The following KCNV2 variants were observed in gnomAD, a reference collection of about 807,000 sequenced individuals.
KCNV2 encodes the protein potassium voltage-gated channel modifier subfamily V member 2.
KCNV2 carries 65 observed loss-of-function variants against 37.0 expected under a neutral mutation model. The ratio of observed to expected loss-of-function variants is 1.76; its 90% CI spans 1.44 to 2.16. The LOEUF (loss-of-function observed/expected upper bound fraction) is 2.16, where lower values mean the gene tolerates loss of function less well. KCNV2 is among the 30% of genes most tolerant of loss of function. KCNV2 has a pLI of 0.00. For missense variants in KCNV2, 1,232 were observed against 766.7 expected (o/e 1.61, Z -7.17); for synonymous variants, 518 against 328.6 (o/e 1.58, Z -6.23).
chr9:2,723,239 C>G (rs918393234), intron 1 of KCNV2, among the ~76,000 whole-genome samples: 14 of 152,158 alleles, frequency 9.2e-5, no homozygotes, highest in Non-Finnish European at 1.2e-4. Context: ...TTTCACCATT[C>G]TGGGGCTGTA....
intron 1 of KCNV2, among the ~76,000 whole-genome samples, chr9:2,723,690 T>G (rs943898226): frequency 6.6e-6 from 1 of 152,224 alleles, no homozygotes; most frequent in Non-Finnish European, 1.5e-5. Flanking sequence ...GCTTCTACAT[T>G]CATTTGGGAA....
intron 1 of KCNV2, among the ~76,000 whole-genome samples, chr9:2,720,743 T>C (rs1360053074): frequency 6.6e-6 from 1 of 152,236 alleles, no homozygotes; most frequent in Non-Finnish European, 1.5e-5. Flanking sequence ...GTACACTCTC[T>C]GATACTACAG....
chr9:2,726,692 C>G (rs529289418), intron 1 of KCNV2, among the ~76,000 whole-genome samples: 25 of 152,238 alleles, frequency 1.6e-4, no homozygotes, highest in African/African-American at 5.8e-4. Context: ...ATGTTCTAAA[C>G]CAGGGGTCCC....
At position 2,729,696 on chromosome 9, in the gene KCNV2, A is replaced by G. The variant is rs77811928; in HGVS notation, c.1607A>G (p.Asn536Ser). Residue 536 changes from asparagine to serine, a missense_variant, in exon 2 of 2, where the codon AAC becomes AGC. Coordinates refer to ENST00000382082, the MANE Select transcript of KCNV2 (RefSeq NM_133497.4). The part of the protein sequence containing the change: ...KKIAECLLGS[N>S]PQLTPRQEN ...ATAGCTGAGTGTTTGCTTGGAAGCA[A>G]CCCACAGCTCACCCCAAGACAAGAG... 1.8e-3 allele frequency: 2,906 copies of G among 1,614,094 alleles called. 7 individuals are homozygous for G. The highest frequency in any genetic ancestry group is 2.0e-3 in the Non-Finnish European group (2,361 of 1,179,994).
chr9:2,719,181 T>G (rs1819815111), intron 1 of KCNV2, 86 bp downstream of exon 1: 2 of 1,489,592 alleles, frequency 1.3e-6, no homozygotes, highest in Admixed American at 1.8e-5. Flanking sequence ...GCCACCAGGC[T>G]TTGGCTTCTG....
chr9:2,722,848 CTG>C (rs1819903698), intron 1 of KCNV2, among the ~76,000 whole-genome samples: 1 of 152,198 alleles, frequency 6.6e-6, no homozygotes, highest in African/African-American at 2.4e-5. Context: ...GGCCACATGT[CTG>C]CATTCCTCTG....
chr9:2,718,807 G>C lies in KCNV2; in HGVS notation c.1068G>C (p.Thr356=). ...TTCAGCTGCTGCTCGAGTGCTTCAC[G>C]GGCGAGGGCCACCAACGCGGCCAGA... The part of the protein sequence containing the change: ...LYLQLLLECF[T]GEGHQRGQTV... The change falls in exon 1 of 2, where the codon ACG becomes ACC. Residue 356 remains threonine (T), a synonymous_variant. Transcript: ENST00000382082. 6.2e-7 allele frequency: 1 copy of C among 1,610,378 alleles called. No homozygotes were observed. Among genetic ancestry groups the C allele is most frequent in the Non-Finnish European group, 8.5e-7 (1 of 1,179,910 alleles).
chr9:2,718,807 G>T lies in KCNV2; in HGVS notation c.1068G>T (p.Thr356=), dbSNP rs771129642. ...TTCAGCTGCTGCTCGAGTGCTTCACGGGCGAGGGCCACCAACGCGGCCAGA... is the reference window on the plus strand; with the variant it reads ...TTCAGCTGCTGCTCGAGTGCTTCACTGGCGAGGGCCACCAACGCGGCCAGA... ...LYLQLLLECF[T]GEGHQRGQTV... is the part of the protein sequence containing the mutation. The change falls in exon 1 of 2, where the codon ACG becomes ACT. Residue 356 remains threonine, a synonymous_variant. Transcript: ENST00000382082. 26 of 1,610,378 alleles carry T rather than the reference G, an allele frequency of 1.6e-5. No homozygotes were observed. The highest frequency in any genetic ancestry group is 2.0e-5 in the Non-Finnish European group (24 of 1,179,910).
chr9:2,722,067 TTATAAATAAATTAGAAGTTATTTATA>T, intron 1 of KCNV2, among the ~76,000 whole-genome samples: 1 of 136,062 alleles, frequency 7.3e-6, no homozygotes, highest in South Asian at 2.2e-4. Flanking sequence ...TAGAAGTTAT[TTATAAATAAATTAGAAGTTATTTATA>T]AATAAATTAG....
At chr9:2,729,344 T>C (rs1820022716) in intron 1 of KCNV2, 102 bp from the exon 2 acceptor site, 8 of 1,307,852 alleles carry the variant, frequency 6.1e-6, no homozygotes, top group South Asian at 6.0e-5. Context: ...ACACTTCCCA[T>C]GTGTACCCAC....
At position 2,718,470 on chromosome 9, in the gene KCNV2, G is replaced by A. The variant is rs1023306854; in HGVS notation, c.731G>A (p.Arg244His). Residue 244 changes from arginine to histidine, a missense_variant, in exon 1 of 2, where the codon CGC becomes CAC. Transcript: ENST00000382082. ...ATGCGCTTCTACGGCCCGCAGCGGC[G>A]CCGCCTCTGGAACCTCATGGAGAAG... ...RDMRFYGPQR[R>H]RLWNLMEKPF... 41 of 1,608,624 alleles carry A rather than the reference G, an allele frequency of 2.5e-5. No individual in the cohort carries two copies. The highest frequency in any genetic ancestry group is 1.9e-4 in the African/African-American group (14 of 74,864).
chr9:2,729,214 G>A (rs1031873101), intron 1 of KCNV2, among the ~76,000 whole-genome samples: 6 of 152,134 alleles, frequency 3.9e-5, no homozygotes, highest in Non-Finnish European at 5.9e-5. Flanking sequence ...TGCATGAGTC[G>A]TAGTCAGGAT....
At chr9:2,719,219 C>A in intron 1 of KCNV2, 124 bp downstream of exon 1, 1 of 1,060,070 alleles carries the variant, frequency 9.4e-7, no homozygotes. Flanking sequence ...CACCCCCAAT[C>A]GCCGCATACA....
rs148550258 is a variant in KCNV2 at position 2,718,019 on chromosome 9, G to A, written c.280G>A (p.Ala94Thr). Residue 94 changes from alanine to threonine, a missense_variant, in exon 1 of 2, where the codon GCC becomes ACC. By Grantham distance (58) the Ala-to-Thr change is moderately conservative (BLOSUM62 0). Coordinates refer to ENST00000382082, the MANE Select transcript of KCNV2 (RefSeq NM_133497.4). The part of the protein sequence containing the change: ...AKPEGPSDPP[A>T]LLSTLNVNVG... ...GCCCGAGGGCCCCAGCGACCCTCCGGCCCTGCTGTCCACGCTGAATGTGAA... is the reference window on the plus strand; with the variant it reads ...GCCCGAGGGCCCCAGCGACCCTCCGACCCTGCTGTCCACGCTGAATGTGAA... 130 of 1,613,044 alleles carry A rather than the reference G, an allele frequency of 8.1e-5. No individual in the cohort carries two copies. The highest frequency in any genetic ancestry group is 8.4e-5 in the Admixed American group (5 of 59,870).
Position 2,718,351 on chromosome 9 carries a change from G to C in KCNV2, c.612G>C (p.Glu204Asp). Residue 204 changes from glutamate (E) to aspartate (D), a missense_variant, in exon 1 of 2, where the codon GAG becomes GAC. Physicochemically the swap from Glu to Asp is conservative, Grantham distance 45 (BLOSUM62 2). Transcript: ENST00000382082. ...CACGCTGCTGCCGCATCTGCTTCGA[G>C]GAGCGGCGCGACGAGCTGAGCGAAC... is the stretch of plus-strand genomic sequence containing the variant. ...YTPRCCRICF[E>D]ERRDELSERL... 6.2e-7 allele frequency: 1 copy of C among 1,600,282 alleles called. No homozygotes were observed. The highest frequency in any genetic ancestry group is 8.5e-7 in the Non-Finnish European group (1 of 1,175,268).
chr9:2,717,739 C>T lies in KCNV2; in HGVS notation c.-1C>T, dbSNP rs1819757023. The T allele has an allele frequency of 6.2e-7, 1 of 1,614,080 alleles. No homozygotes were observed. The highest frequency in any genetic ancestry group is 1.3e-5 in the African/African-American group (1 of 74,948). ...AAGCTAGGCGTCCACTTTCCGCAGCCATGCTCAAACAGAGTGAGAGGAGAC... is the reference window on the plus strand; with the variant it reads ...AAGCTAGGCGTCCACTTTCCGCAGCTATGCTCAAACAGAGTGAGAGGAGAC... On this transcript the variant is annotated 5_prime_UTR_variant, in exon 1 of 2. Transcript: ENST00000382082.
chr9:2,721,701 T>TC (rs1204062109), intron 1 of KCNV2, among the ~76,000 whole-genome samples: 2 of 152,120 alleles, frequency 1.3e-5, no homozygotes, highest in Non-Finnish European at 2.9e-5. Context: ...GAGCTTACAT[T>TC]CTAATGGAGA....
At chr9:2,722,198 T>TTTATAAATAAAATAGAAG (rs1819885786) in intron 1 of KCNV2, among the ~76,000 whole-genome samples, 1 of 134,450 alleles carries the variant, frequency 7.4e-6, no homozygotes, top group African/African-American at 3.1e-5. Flanking sequence ...ATAGAAGTTA[T>TTTATAAATAAAATAGAAG]TTATTTATAA....
Position 2,728,881 on chromosome 9 carries a change from TAAAAAAAAAAAAA to T in KCNV2, c.1357-562_1357-550del, listed in dbSNP as rs60674628. Among the ~76,000 whole-genome samples the T allele has an allele frequency of 7.4e-4, 73 of 98,442 alleles. 3 individuals are homozygous for T. Among genetic ancestry groups the T allele is most frequent in the African/African-American group, 2.1e-3 (66 of 30,928 alleles). The allele number at this position is 98,442 out of a possible 152,430, so 64.6% of individuals were successfully genotyped here. A position where few individuals can be genotyped will look rare whatever the true frequency, so the allele number is the denominator to read the frequency against. On this transcript the variant is annotated intron_variant, in intron 1 of 1. Transcript: ENST00000382082. ...TTAGATGGTTTTCTCCTGTTTTAAA[TAAAAAAAAAAAAA>T]AAGAAAAAAAGAAAAAGAGAGAGAG... is the stretch of plus-strand genomic sequence containing the variant.
Sources: gnomAD v4.1 joint callset for allele counts (sites outside exome capture counted in the v4.1 genomes callset) on GRCh38, gnomAD v4.1.1 for gene constraint, MANE v1.5 for transcripts, NCBI Gene and HGNC (gene_info 2026-07-23, HGNC 2026-07-21) for gene names.